Variants in FAM120C observed in about 807,000 individuals in gnomAD.
The protein encoded by FAM120C is family with sequence similarity 120 member C.
In FAM120C, 14 loss-of-function variants were observed where a neutral mutation model predicts 71.2. That is an observed-to-expected ratio of 0.20 (90% CI 0.13 to 0.31). The LOEUF (loss-of-function observed/expected upper bound fraction) is 0.31, where lower values mean the gene tolerates loss of function less well. FAM120C is among the 10% of genes least tolerant of loss of function. FAM120C has a pLI of 1.00. For synonymous variants in FAM120C, 354 were observed against 353.2 expected (o/e 1.00, Z -0.03); for missense variants, 500 against 879.0 (o/e 0.57, Z 5.45).
intron 9 of FAM120C, among the ~76,000 whole-genome samples, chrX:54,117,067 G>T (rs782194900): frequency 4.5e-5 from 5 of 110,929 alleles, no homozygotes; most frequent in Non-Finnish European, 9.4e-5. Context: ...TGCAGATAAA[G>T]AAATCAAGGG....
chrX:54,080,600 C>T (rs1420603549), intron 14 of FAM120C, among the ~76,000 whole-genome samples: 1 of 111,812 alleles, frequency 8.9e-6, no homozygotes, highest in African/African-American at 3.2e-5. Flanking sequence ...TGGCTCACAC[C>T]TGTAATCCCA....
At chrX:54,153,594 C>T (rs1557133288) in intron 3 of FAM120C, among the ~76,000 whole-genome samples, 1 of 101,990 alleles carries the variant, frequency 9.8e-6, no homozygotes, top group African/African-American at 3.6e-5. Context: ...TTTTGAGACA[C>T]AGTCTTGCTG....
chrX:54,069,528 CAT>C lies in FAM120C; in HGVS notation c.*3503_*3504del, dbSNP rs782284978. ...GTAAGGTTCCAAAGGACTGGATCACCATAACCAAACAGCTACCCCCACATTCT... is the reference window on the plus strand; with the variant it reads ...GTAAGGTTCCAAAGGACTGGATCACCAACCAAACAGCTACCCCCACATTCT... On this transcript the variant is annotated 3_prime_UTR_variant, in exon 16 of 16. Transcript: ENST00000375180. The C allele has an allele frequency of 1.8e-5, 2 of 110,551 alleles. No individual in the cohort carries two copies. Among genetic ancestry groups the C allele is most frequent in the Admixed American group, 9.7e-5 (1 of 10,278 alleles). The allele number at this position is 110,551 out of a possible 1,213,427, so 9.1% of individuals were successfully genotyped here. A position where few individuals can be genotyped will look rare whatever the true frequency, so the allele number is the denominator to read the frequency against.
intron 1 of FAM120C, among the ~76,000 whole-genome samples, chrX:54,166,198 T>C (rs2067258594): frequency 8.9e-6 from 1 of 111,801 alleles, no homozygotes; most frequent in Non-Finnish European, 1.9e-5. Context: ...AAAATTAAAA[T>C]AATACTGAAA....
chrX:54,164,314 C>T (rs1557134840), intron 1 of FAM120C, among the ~76,000 whole-genome samples: 1 of 112,196 alleles, frequency 8.9e-6, no homozygotes, highest in African/African-American at 3.2e-5. Context: ...GTGTACAGTT[C>T]AGCTGTGTTA....
In FAM120C at chrX:54,084,599, C is replaced by T. The variant is rs905325878; in HGVS notation, c.2839+1116G>A. Reference sequence around the variant, plus strand: ...ATCCCAGCACTTTGGGAGGCCAAGGCGGGCAGATCATCTGAGGATGGGAGT... The same window carrying T: ...ATCCCAGCACTTTGGGAGGCCAAGGTGGGCAGATCATCTGAGGATGGGAGT... On this transcript the variant is annotated intron_variant, in intron 13 of 15. Coordinates refer to ENST00000375180, the MANE Select transcript of FAM120C (RefSeq NM_017848.6). 2.2e-4 allele frequency among the ~76,000 whole-genome samples: 24 copies of T among 110,911 alleles called. 1 individual carries two copies. Among genetic ancestry groups the T allele is most frequent in the Admixed American group, 1.6e-3 (17 of 10,329 alleles).
At position 54,070,826 on chromosome X, in the gene FAM120C, A is replaced by C. The variant is rs1557119984; in HGVS notation, c.*2207T>G. 9.0e-6 allele frequency: 1 copy of C among 111,710 alleles called. No individual in the cohort carries two copies. Among genetic ancestry groups the C allele is most frequent in the Non-Finnish European group, 1.9e-5 (1 of 53,153 alleles). 9.2% of individuals were successfully genotyped at this position (111,710 alleles called of 1,213,427 possible). On this transcript the variant is annotated 3_prime_UTR_variant, in exon 16 of 16. Transcript: ENST00000375180. ...TTTTTCTTTGGTTTATGTAAGAAGT[A>C]TCTGGGCAGGGGTCAAGGCATTGCA...
intron 15 of FAM120C, among the ~76,000 whole-genome samples, chrX:54,076,195 C>T (rs782152890): frequency 1.4e-4 from 16 of 110,400 alleles, no homozygotes; most frequent in Non-Finnish European, 2.5e-4. Flanking sequence ...AAAAATTCGC[C>T]GGGTGTGGTG....
intron 11 of FAM120C, among the ~76,000 whole-genome samples, chrX:54,090,690 C>G (rs963948116): frequency 9.0e-6 from 1 of 111,323 alleles, no homozygotes; most frequent in African/African-American, 3.3e-5. Context: ...ATAAACAAAC[C>G]TCTTTTCTTT....
chrX:54,085,985 A>T, intron 12 of FAM120C, 69 bp from the exon 13 acceptor site: 16 of 935,605 alleles, frequency 1.7e-5, no homozygotes, highest in Non-Finnish European at 1.4e-5. Context: ...TAGGCCCAGG[A>T]TGGAGCACTC....
intron 10 of FAM120C, among the ~76,000 whole-genome samples, chrX:54,110,657 T>A (rs1478646867): frequency 3.6e-5 from 4 of 111,210 alleles, no homozygotes; most frequent in African/African-American, 1.3e-4. Flanking sequence ...GGCTCATGTC[T>A]GTAATCCTAG....
At chrX:54,089,937 C>G (rs2066815216) in intron 11 of FAM120C, among the ~76,000 whole-genome samples, 2 of 108,747 alleles carry the variant, frequency 1.8e-5, no homozygotes, top group African/African-American at 3.3e-5. Context: ...CCAGCCTAGG[C>G]AGCAAGAGCG....
rs781789688 is a variant in FAM120C at position 54,182,869 on chromosome X, G to GGGCGGCGGCGGC, written c.318_329dup (p.Pro108_Pro111dup). 8 of 1,132,859 alleles carry GGGCGGCGGCGGC rather than the reference G, an allele frequency of 7.1e-6. No homozygotes were observed. Among genetic ancestry groups the GGGCGGCGGCGGC allele is most frequent in the Non-Finnish European group, 9.3e-6 (8 of 858,897 alleles). The allele number at this position is 1,132,859 out of a possible 1,213,427, so 93.4% of individuals were successfully genotyped here. A position where few individuals can be genotyped will look rare whatever the true frequency, so the allele number is the denominator to read the frequency against. ...GCACCCGGGCCCCGGGCAGCTGAGGGGGCGGCGGCGGCGGCAGCGGAGGGT... is the reference window on the plus strand; with the variant it reads ...GCACCCGGGCCCCGGGCAGCTGAGGGGGCGGCGGCGGCGGCGGCGGCGGCGGCAGCGGAGGGT... On this transcript the variant is annotated inframe_insertion, in exon 1 of 16. Coordinates refer to ENST00000375180, the MANE Select transcript of FAM120C (RefSeq NM_017848.6).
At chrX:54,146,035 T>C (rs1311187838) in intron 4 of FAM120C, among the ~76,000 whole-genome samples, 2 of 111,419 alleles carry the variant, frequency 1.8e-5, no homozygotes, top group Non-Finnish European at 3.8e-5. Flanking sequence ...GAAACCATCA[T>C]TCTCAGCAAA....
At chrX:54,136,456 G>C in intron 5 of FAM120C, 35 bp downstream of exon 5, 1 of 1,078,183 alleles carries the variant, frequency 9.3e-7, no homozygotes, top group Non-Finnish European at 1.3e-6. Context: ...TTTCCCCTAT[G>C]AACAGAGCAG....
intron 13 of FAM120C, among the ~76,000 whole-genome samples, chrX:54,081,774 GA>G (rs782044757): frequency 2.1e-3 from 126 of 61,395 alleles, no homozygotes; most frequent in Middle Eastern, 0.011. Context: ...ATTCTGTCTT[GA>G]AAAAAAAAAA....
At chrX:54,170,784 C>G (rs2067283726) in intron 1 of FAM120C, among the ~76,000 whole-genome samples, 1 of 111,982 alleles carries the variant, frequency 8.9e-6, no homozygotes, top group Admixed American at 9.5e-5. Flanking sequence ...GTCTGTTTTG[C>G]AGAGATGAAG....
At chrX:54,073,393 A>C in intron 15 of FAM120C, 106 bp from the exon 16 acceptor site, 1 of 835,064 alleles carries the variant, frequency 1.2e-6, no homozygotes, top group Non-Finnish European at 1.6e-6. Context: ...GTTCTTCAAA[A>C]ACACCAGAAG....
chrX:54,129,277 G>T (rs1296872987), intron 9 of FAM120C, among the ~76,000 whole-genome samples: 1 of 104,014 alleles, frequency 9.6e-6, no homozygotes, highest in Non-Finnish European at 2.0e-5. Context: ...GGCGGCTGCC[G>T]GGCGGAGGGT....
Sources: gnomAD v4.1 joint callset for allele counts (sites outside exome capture counted in the v4.1 genomes callset) on GRCh38, gnomAD v4.1.1 for gene constraint, MANE v1.5 for transcripts, NCBI Gene and HGNC (gene_info 2026-07-23, HGNC 2026-07-21) for gene names.